The following CDH13 variants were observed in gnomAD, a reference collection of about 807,000 sequenced individuals.
CDH13 encodes the protein cadherin 13.
A neutral mutation model predicts 63.8 loss-of-function variants in CDH13; 24 were observed. The ratio of observed to expected loss-of-function variants is 0.38; its 90% CI spans 0.27 to 0.53. The LOEUF is 0.53. Ranked by LOEUF, CDH13 falls within the 20% of genes least tolerant of loss-of-function variation. The pLI is 0.85. For missense variants in CDH13, 1,049 were observed against 903.1 expected (o/e 1.16, Z -2.07); for synonymous variants, 503 against 355.3 (o/e 1.42, Z -4.67).
At chr16:82,937,422 C>T (rs967420769) in intron 2 of CDH13, among the ~76,000 whole-genome samples, 1 of 126,076 alleles carries the variant, frequency 7.9e-6, no homozygotes. Context: ...TACACATGCA[C>T]ACACACACAC....
intron 2 of CDH13, among the ~76,000 whole-genome samples, chr16:82,873,510 T>G (rs1313458655): frequency 6.6e-6 from 1 of 152,164 alleles, no homozygotes; most frequent in Non-Finnish European, 1.5e-5. Flanking sequence ...CACAGGACAG[T>G]GGTGTGGGCT....
At chr16:83,126,198 G>T (rs1245312834) in intron 4 of CDH13, among the ~76,000 whole-genome samples, 1 of 152,174 alleles carries the variant, frequency 6.6e-6, no homozygotes, top group African/African-American at 2.4e-5. Context: ...TCTCAGCAAG[G>T]CAATTTACTT....
At chr16:82,809,583 C>G (rs1351512291) in intron 1 of CDH13, among the ~76,000 whole-genome samples, 2 of 152,074 alleles carry the variant, frequency 1.3e-5, no homozygotes, top group Admixed American at 6.6e-5. Context: ...TTATATCTTT[C>G]TTTGGATTTG....
chr16:82,679,687 G>A (rs970339586), intron 1 of CDH13, among the ~76,000 whole-genome samples: 1 of 152,116 alleles, frequency 6.6e-6, no homozygotes, highest in African/African-American at 2.4e-5. Flanking sequence ...TGTATTCGTC[G>A]TCAGATAAAT....
At chr16:83,702,786 T>A (rs1906442386) in intron 10 of CDH13, among the ~76,000 whole-genome samples, 1 of 152,096 alleles carries the variant, frequency 6.6e-6, no homozygotes, top group East Asian at 1.9e-4. Flanking sequence ...CAAGCACAGA[T>A]GATAGGAGAT....
At chr16:83,667,963 C>T (rs1050860706) in intron 8 of CDH13, among the ~76,000 whole-genome samples, 8 of 152,056 alleles carry the variant, frequency 5.3e-5, no homozygotes, top group African/African-American at 1.9e-4. Context: ...ATGCCCAGCC[C>T]CCAAAATAAA....
At chr16:83,715,583 G>C (rs17770052) in intron 10 of CDH13, among the ~76,000 whole-genome samples, 2,877 of 152,294 alleles carry the variant, frequency 0.019, 30 homozygotes, top group Non-Finnish European at 0.029. Context: ...CATTAGAGTT[G>C]AGTGCAAGCA....
chr16:83,657,286 G>A (rs975807399), intron 8 of CDH13, among the ~76,000 whole-genome samples: 1 of 152,160 alleles, frequency 6.6e-6, no homozygotes, highest in African/African-American at 2.4e-5. Context: ...CAAGTGTCCT[G>A]GCCACCATGT....
chr16:83,455,420 C>G (rs1302372568), intron 6 of CDH13, among the ~76,000 whole-genome samples: 3 of 152,108 alleles, frequency 2.0e-5, no homozygotes, highest in East Asian at 1.9e-4. Flanking sequence ...CAGGTTCCAT[C>G]CATTGCTGCC....
At chr16:83,062,766 C>T (rs914302395) in intron 3 of CDH13, among the ~76,000 whole-genome samples, 2 of 152,112 alleles carry the variant, frequency 1.3e-5, no homozygotes, top group Non-Finnish European at 2.9e-5. Flanking sequence ...GTCAAGAATT[C>T]CAGCAGGATT....
rs571611343 is a variant in CDH13 at position 83,629,422 on chromosome 16, C to T, written c.1101+26828C>T. On this transcript the variant is annotated intron_variant, in intron 8 of 13. Coordinates refer to ENST00000567109, the MANE Select transcript of CDH13 (RefSeq NM_001257.5). ...TGAATTTTCCCTCCAATTCAGAAAG[C>T]ACTGGCTACATTACAAATTTTAATG... Among the ~76,000 whole-genome samples the T allele has an allele frequency of 3.3e-5, 5 of 152,288 alleles. No homozygotes were observed. The East Asian group carries it at 5.8e-4, about 18-fold the overall frequency.
chr16:83,522,433 G>T (rs934888043), intron 7 of CDH13, among the ~76,000 whole-genome samples: 2 of 152,212 alleles, frequency 1.3e-5, no homozygotes, highest in Admixed American at 1.3e-4. Flanking sequence ...ATATGCAACC[G>T]TGGAGTTTCT....
intron 1 of CDH13, among the ~76,000 whole-genome samples, chr16:82,746,657 A>G (rs762157053): frequency 1.3e-5 from 2 of 152,128 alleles, no homozygotes; most frequent in Non-Finnish European, 1.5e-5. Flanking sequence ...TTTCTTCTCA[A>G]GTAAGTGGTT....
chr16:83,526,795 G>C (rs1166616350), intron 7 of CDH13, among the ~76,000 whole-genome samples: 1 of 152,184 alleles, frequency 6.6e-6, no homozygotes, highest in African/African-American at 2.4e-5. Flanking sequence ...CAGTGAAACT[G>C]CTGGCAATCC....
At chr16:82,903,597 G>T (rs1415396524) in intron 2 of CDH13, among the ~76,000 whole-genome samples, 1 of 152,040 alleles carries the variant, frequency 6.6e-6, no homozygotes, top group East Asian at 1.9e-4. Flanking sequence ...TGGTGTTTTA[G>T]TCGTGAGCTA....
chr16:83,705,537 G>C (rs1337852121), intron 10 of CDH13, among the ~76,000 whole-genome samples: 2 of 152,134 alleles, frequency 1.3e-5, no homozygotes, highest in Non-Finnish European at 2.9e-5. Flanking sequence ...CAGGAGAATG[G>C]CGTGAACCCG....
At chr16:83,181,198 C>A (rs2038339547) in intron 4 of CDH13, 1 of 503,046 alleles carries the variant, frequency 2.0e-6, no homozygotes, top group Non-Finnish European at 3.4e-6. Flanking sequence ...AGGCCTCAGG[C>A]AAGTCATTTA....
At chr16:82,804,682 A>C (rs1257516270) in intron 1 of CDH13, among the ~76,000 whole-genome samples, 1 of 152,110 alleles carries the variant, frequency 6.6e-6, no homozygotes, top group East Asian at 1.9e-4. Flanking sequence ...ATTGGTAGGA[A>C]TCTCCTTACC....
intron 1 of CDH13, among the ~76,000 whole-genome samples, chr16:82,665,467 A>T (rs1469088476): frequency 6.6e-6 from 1 of 152,212 alleles, no homozygotes; most frequent in Admixed American, 6.5e-5. Context: ...CATTTCTACT[A>T]GGAGCAATGG....
Sources: allele counts gnomAD v4.1 joint callset (sites outside exome capture counted in the v4.1 genomes callset), GRCh38; gene constraint gnomAD v4.1.1; transcripts MANE v1.5; gene names NCBI Gene and HGNC (gene_info 2026-07-23, HGNC 2026-07-21).